Variants in ZNF518A observed in about 807,000 individuals in gnomAD.
ZNF518A encodes the protein zinc finger protein 518A, also known as zinc finger protein 518.
ZNF518A carries 47 observed loss-of-function variants against 102.7 expected under a neutral mutation model. The observed-to-expected ratio is 0.46, with a 90% CI of 0.36 to 0.58. The LOEUF is 0.58. Ranked by LOEUF, ZNF518A falls within the 20% of genes least tolerant of loss-of-function variation. The probability of loss-of-function intolerance (pLI) is 0.00; values close to 1 mark genes in which losing one functional copy is unlikely to be tolerated. For synonymous variants in ZNF518A, 652 were observed against 594.6 expected (o/e 1.10, Z -1.40); for missense variants, 1,793 against 1,699.8 (o/e 1.05, Z -0.96).
intron 1 of ZNF518A, among the ~76,000 whole-genome samples, chr10:96,171,586 A>G (rs1554890907): frequency 1.3e-5 from 2 of 152,286 alleles, no homozygotes; most frequent in Admixed American, 1.3e-4. Context: ...ATGTTCTAAA[A>G]TTGTGATTGT....
intron 3 of ZNF518A, among the ~76,000 whole-genome samples, chr10:96,149,017 AT>A (rs1301826332): frequency 3.1e-4 from 47 of 150,022 alleles, no homozygotes; most frequent in Admixed American, 8.0e-4. Flanking sequence ...GCCTGGCCTG[AT>A]TTTTTTTTTC....
chr10:96,135,254 A>ATGG (rs1364568465), intron 3 of ZNF518A: 2 of 152,234 alleles, frequency 1.3e-5, no homozygotes, highest in Non-Finnish European at 2.9e-5. Flanking sequence ...TGGGAGATGG[A>ATGG]TGGTGGTAGT....
At chr10:96,189,092 C>A (rs2083291164) in intron 1 of ZNF518A, among the ~76,000 whole-genome samples, 7 of 152,178 alleles carry the variant, frequency 4.6e-5, no homozygotes. Flanking sequence ...TTTGTCTCCC[C>A]ACCATTTCCA....
At chr10:96,175,084 A>G (rs1413660878) in intron 1 of ZNF518A, among the ~76,000 whole-genome samples, 2 of 152,136 alleles carry the variant, frequency 1.3e-5, no homozygotes, top group Non-Finnish European at 2.9e-5. Flanking sequence ...CAGCTTCCAT[A>G]ACTGTGGGAA....
chr10:96,191,242 T>C (rs587626971), intron 1 of ZNF518A, among the ~76,000 whole-genome samples: 4 of 151,426 alleles, frequency 2.6e-5, no homozygotes, highest in Admixed American at 2.0e-4. Flanking sequence ...CCTCTTTTTT[T>C]TTTTTTTTTT....
rs782765057 is a variant in ZNF518A at position 96,159,962 on chromosome 10, T to C, written c.3640T>C (p.Cys1214Arg). The C allele has an allele frequency of 3.1e-6, 5 of 1,613,512 alleles. No homozygotes were observed. In the Admixed American group the frequency reaches 6.7e-5, roughly 22 times the overall value. ...AATTGTGATAACTTCTACTGCAACA[T>C]GCCCAGAATCTTCTGAGGAACCAAT... ...NEIVITSTATCPESSEEPICV... is the reference protein window; with the variant it reads ...NEIVITSTATRPESSEEPICV... Residue 1214 changes from cysteine (C) to arginine (R), a missense_variant, in exon 6 of 6, where the codon TGC becomes CGC. By Grantham distance (180) the Cys-to-Arg change is radical. Transcript: ENST00000316045.
At chr10:96,166,509 C>T (rs2083141435), downstream of ZNF518A, among the ~76,000 whole-genome samples, 1 of 152,114 alleles carries the variant, frequency 6.6e-6, no homozygotes, top group African/African-American at 2.4e-5. Context: ...GTGGCTCAGT[C>T]TGTAATCCCA....
intron 3 of ZNF518A, among the ~76,000 whole-genome samples, chr10:96,138,660 C>A (rs1207720566): frequency 6.6e-6 from 1 of 152,158 alleles, no homozygotes; most frequent in Non-Finnish European, 1.5e-5. Context: ...CCTAAATAAT[C>A]AGTAAAATGT....
chr10:96,156,455 C>T lies in ZNF518A; in HGVS notation c.133C>T (p.Leu45=). 6.2e-7 allele frequency: 1 copy of T among 1,613,058 alleles called. No homozygotes were observed. The highest frequency in any genetic ancestry group is 8.5e-7 in the Non-Finnish European group (1 of 1,179,568). ...AATTTCAGGAAGTATTCATTATGCA[C>T]TAAAAAATGTGAAAATTGATTTGCC... The part of the protein sequence containing the change: ...PKISGSIHYA[L]KNVKIDLPKI... The change falls in exon 6 of 6, where the codon CTA becomes TTA. Residue 45 remains leucine, a synonymous_variant. Transcript: ENST00000316045.
At chr10:96,174,140 C>A (rs1902698) in intron 1 of ZNF518A, among the ~76,000 whole-genome samples, 1 of 151,588 alleles carries the variant, frequency 6.6e-6, no homozygotes, top group African/African-American at 2.4e-5. Flanking sequence ...AATAAAAAAA[C>A]TTACTGCAAC....
intron 3 of ZNF518A, among the ~76,000 whole-genome samples, chr10:96,153,671 A>G (rs782286809): frequency 2.0e-5 from 3 of 152,198 alleles, no homozygotes; most frequent in Non-Finnish European, 2.9e-5. Flanking sequence ...CCTTACTGTT[A>G]TGCCATTTTT....
At chr10:96,193,871 A>G (rs1554894056) in intron 1 of ZNF518A, among the ~76,000 whole-genome samples, 1 of 152,242 alleles carries the variant, frequency 6.6e-6, no homozygotes. Context: ...GATTGACATC[A>G]TGTAACCAAC....
chr10:96,138,240 C>T (rs1360773664), intron 3 of ZNF518A, among the ~76,000 whole-genome samples: 3 of 152,188 alleles, frequency 2.0e-5, no homozygotes, highest in African/African-American at 7.2e-5. Context: ...CATGGTAATT[C>T]TCTGCCCACA....
intron 3 of ZNF518A, among the ~76,000 whole-genome samples, chr10:96,153,518 A>T (rs1207451735): frequency 6.6e-6 from 1 of 152,234 alleles, no homozygotes; most frequent in Non-Finnish European, 1.5e-5. Context: ...ACAAACCCCA[A>T]ACTACCTAAA....
At chr10:96,168,041 A>G (rs2083152597), downstream of ZNF518A, among the ~76,000 whole-genome samples, 1 of 152,200 alleles carries the variant, frequency 6.6e-6, no homozygotes, top group Admixed American at 6.5e-5. Flanking sequence ...CATCTTTATA[A>G]TAATTATATG....
chr10:96,172,933 T>C (rs587727212), intron 1 of ZNF518A, among the ~76,000 whole-genome samples: 129 of 152,298 alleles, frequency 8.5e-4, no homozygotes, highest in African/African-American at 2.9e-3. Flanking sequence ...CTGTGCGTTC[T>C]ACATCTGCAG....
chr10:96,194,768 A>ATTTTTTTTTTTTTTT lies in ZNF518A; in HGVS notation n.36-8800_36-8786dup, dbSNP rs71034364. Among the ~76,000 whole-genome samples the ATTTTTTTTTTTTTTT allele has an allele frequency of 1.1e-4, 12 of 110,280 alleles. 1 individual carries two copies. The highest frequency in any genetic ancestry group is 3.8e-4 in the African/African-American group (12 of 31,324). The allele number at this position is 110,280 out of a possible 152,430, so 72.3% of individuals were successfully genotyped here. A position where few individuals can be genotyped will look rare whatever the true frequency, so the allele number is the denominator to read the frequency against. On this transcript the variant is annotated intron_variant and non_coding_transcript_variant, in intron 1 of 2. Transcript: ENST00000442635. ...ATCACTAATCATCAGAGAAATGCAAATTTTTTTTTTTTTTTTTTTTGAGAC... is the reference window on the plus strand; with the variant it reads ...ATCACTAATCATCAGAGAAATGCAAATTTTTTTTTTTTTTTTTTTTTTTTTTTTTTTTTTTGAGAC...
chr10:96,160,971 T>C lies in ZNF518A; in HGVS notation c.*197T>C, dbSNP rs587615974. On this transcript the variant is annotated 3_prime_UTR_variant, in exon 6 of 6. Transcript: ENST00000316045. Reference sequence around the variant, plus strand: ...AATGCTATCCCTGCACTCAAAAGTTTTGAAAGAAACTAATCACAGCACAGA... The same window carrying C: ...AATGCTATCCCTGCACTCAAAAGTTCTGAAAGAAACTAATCACAGCACAGA... 8.8e-4 allele frequency: 481 copies of C among 543,754 alleles called. 5 individuals carry two copies. The South Asian group carries it at 0.012, about 14-fold the overall frequency. 33.7% of individuals were successfully genotyped at this position (543,754 alleles called of 1,614,324 possible).
chr10:96,165,874 G>A (rs933341588), downstream of ZNF518A, among the ~76,000 whole-genome samples: 9 of 152,136 alleles, frequency 5.9e-5, no homozygotes, highest in African/African-American at 2.2e-4. Flanking sequence ...ATGGAGGCTA[G>A]GAAGTCCCAC....
Sources: gnomAD v4.1 joint callset for allele counts (sites outside exome capture counted in the v4.1 genomes callset) on GRCh38, gnomAD v4.1.1 for gene constraint, MANE v1.5 for transcripts, NCBI Gene and HGNC (gene_info 2026-07-23, HGNC 2026-07-21) for gene names.